Variants in EEFSEC observed in about 807,000 individuals in gnomAD.
EEFSEC encodes eukaryotic elongation factor, selenocysteine-tRNA specific.
EEFSEC carries 43 observed loss-of-function variants against 42.1 expected under a neutral mutation model. The observed-to-expected ratio is 1.02, with a 90% confidence interval of 0.80 to 1.32. The LOEUF (loss-of-function observed/expected upper bound fraction) is 1.32. EEFSEC is among the 40% of genes most tolerant of loss of function. EEFSEC has a pLI of 0.00. For synonymous variants in EEFSEC, 354 were observed against 339.1 expected (o/e 1.04, Z -0.48); for missense variants, 745 against 803.6 (o/e 0.93, Z 0.88).
Position 128,171,351 on chromosome 3 carries a change from T to C in EEFSEC, c.316+17528T>C, listed in dbSNP as rs907212175. On this transcript the variant is annotated intron_variant, in intron 1 of 6. Transcript: ENST00000254730. The stretch of plus-strand genomic sequence containing the variant: ...TGTTTCTTTCAAGGTTTATTTTTAA[T>C]TTTTTTTTAATCAATGAAAATATGG... Among the ~76,000 whole-genome samples the C allele has an allele frequency of 2.8e-5, 4 of 142,464 alleles. No homozygotes were observed. The East Asian group carries it at 1.9e-3, about 67-fold the overall frequency. 93.5% of individuals were successfully genotyped at this position (142,464 alleles called of 152,430 possible).
chr3:128,328,287 A>G (rs2067087359), intron 4 of EEFSEC, among the ~76,000 whole-genome samples: 1 of 152,170 alleles, frequency 6.6e-6, no homozygotes, highest in African/African-American at 2.4e-5. Context: ...AGGTGAGTGC[A>G]GGGGTGATTC....
chr3:128,168,634 C>G (rs547042353), intron 1 of EEFSEC, among the ~76,000 whole-genome samples: 1 of 152,336 alleles, frequency 6.6e-6, no homozygotes, highest in South Asian at 2.1e-4. Flanking sequence ...TGTCTTTTCA[C>G]AGGAAGCCCA....
intron 1 of EEFSEC, among the ~76,000 whole-genome samples, chr3:128,206,758 CTCTG>C (rs1461328312): frequency 3.3e-5 from 5 of 152,238 alleles, no homozygotes; most frequent in African/African-American, 9.6e-5. Flanking sequence ...GTGGGCTCCT[CTCTG>C]TCTAACAGAT....
intron 6 of EEFSEC, among the ~76,000 whole-genome samples, chr3:128,366,314 A>G (rs562883062): frequency 6.6e-6 from 1 of 152,382 alleles, no homozygotes; most frequent in African/African-American, 2.4e-5. Flanking sequence ...GAGGGCCTAC[A>G]GCCATCCGGA....
chr3:128,348,259 TGTGTGTGTGTGCGTGTGC>T (rs1330700993), intron 5 of EEFSEC, among the ~76,000 whole-genome samples: 40 of 133,640 alleles, frequency 3.0e-4, no homozygotes, highest in Non-Finnish European at 5.3e-4. Flanking sequence ...CATGCGTGTG[TGTGTGTGTGTGCGTGTGC>T]GTGTGTGTGT....
At chr3:128,369,933 C>T (rs770101003) in intron 6 of EEFSEC, among the ~76,000 whole-genome samples, 3 of 152,222 alleles carry the variant, frequency 2.0e-5, no homozygotes, top group Admixed American at 6.5e-5. Flanking sequence ...AGAACCACAA[C>T]GCAGTTACCA....
chr3:128,385,796 C>T (rs1006244899), intron 6 of EEFSEC, among the ~76,000 whole-genome samples: 8 of 152,192 alleles, frequency 5.3e-5, no homozygotes, highest in African/African-American at 9.6e-5. Flanking sequence ...GGCAGAGGAA[C>T]AAGAGGCAGG....
intron 6 of EEFSEC, among the ~76,000 whole-genome samples, chr3:128,390,470 A>G (rs563840469): frequency 4.0e-4 from 61 of 152,346 alleles, no homozygotes; most frequent in Non-Finnish European, 7.1e-4. Context: ...AGGGGGTGAG[A>G]CAGATGTGAA....
chr3:128,399,837 C>A (rs2068028197), intron 6 of EEFSEC, among the ~76,000 whole-genome samples: 1 of 152,094 alleles, frequency 6.6e-6, no homozygotes, highest in Middle Eastern at 3.2e-3. Flanking sequence ...TAGAGCTAAA[C>A]CCTCATCGCC....
intron 1 of EEFSEC, among the ~76,000 whole-genome samples, chr3:128,213,232 G>A (rs1229142051): frequency 6.6e-6 from 1 of 152,194 alleles, no homozygotes; most frequent in Non-Finnish European, 1.5e-5. Context: ...CCGGATCTTA[G>A]GCTCCTCACC....
intron 3 of EEFSEC, among the ~76,000 whole-genome samples, chr3:128,264,047 A>G (rs867528031): frequency 1.3e-5 from 2 of 152,324 alleles, no homozygotes; most frequent in Middle Eastern, 3.4e-3. Context: ...TGATGGGGGC[A>G]GGGGAAACGT....
At chr3:128,226,112 A>G (rs1026120201) in intron 1 of EEFSEC, among the ~76,000 whole-genome samples, 1 of 152,338 alleles carries the variant, frequency 6.6e-6, no homozygotes, top group Admixed American at 6.5e-5. Flanking sequence ...GAGAACACAA[A>G]GGAAATGCTT....
intron 4 of EEFSEC, among the ~76,000 whole-genome samples, chr3:128,325,868 C>G (rs537441888): frequency 1.3e-5 from 2 of 152,314 alleles, no homozygotes; most frequent in African/African-American, 4.8e-5. Flanking sequence ...TTTAGCCATT[C>G]CTCTATTGTT....
chr3:128,200,524 G>C (rs1026345583), intron 1 of EEFSEC, among the ~76,000 whole-genome samples: 2 of 152,134 alleles, frequency 1.3e-5, no homozygotes, highest in African/African-American at 4.8e-5. Flanking sequence ...CCCACCTCAG[G>C]TGATCCGCCC....
intron 1 of EEFSEC, among the ~76,000 whole-genome samples, chr3:128,181,684 C>T (rs1437945790): frequency 6.6e-6 from 1 of 152,204 alleles, no homozygotes; most frequent in African/African-American, 2.4e-5. Context: ...GGGGGGCGGT[C>T]CTCATCACAC....
chr3:128,306,293 C>A (rs1055920043), intron 4 of EEFSEC, among the ~76,000 whole-genome samples: 10 of 152,194 alleles, frequency 6.6e-5, no homozygotes, highest in African/African-American at 2.2e-4. Flanking sequence ...TCAAACTAAT[C>A]ACTTATTTTA....
intron 4 of EEFSEC, among the ~76,000 whole-genome samples, chr3:128,273,958 C>A (rs922224312): frequency 2.6e-5 from 4 of 152,200 alleles, no homozygotes; most frequent in Non-Finnish European, 5.9e-5. Flanking sequence ...GGTTGACCTG[C>A]AGCCTCCCAA....
At chr3:128,394,204 G>A (rs2067952187) in intron 6 of EEFSEC, among the ~76,000 whole-genome samples, 1 of 152,224 alleles carries the variant, frequency 6.6e-6, no homozygotes, top group East Asian at 1.9e-4. Context: ...GCAGGTCAGG[G>A]AGGGATAGAC....
At chr3:128,213,188 A>G (rs1321557403) in intron 1 of EEFSEC, among the ~76,000 whole-genome samples, 1 of 152,152 alleles carries the variant, frequency 6.6e-6, no homozygotes, top group African/African-American at 2.4e-5. Flanking sequence ...TGCATTACTT[A>G]TAGGCTGTGT....
Sources: allele counts gnomAD v4.1 joint callset (sites outside exome capture counted in the v4.1 genomes callset), GRCh38; gene constraint gnomAD v4.1.1; transcripts MANE v1.5; gene names NCBI Gene and HGNC (gene_info 2026-07-23, HGNC 2026-07-21).